Variants in NKD1 observed in about 807,000 individuals in gnomAD.
NKD1 encodes the protein protein naked cuticle homolog 1.
NKD1 carries 21 observed loss-of-function variants against 56.0 expected under a neutral mutation model. The ratio of observed to expected loss-of-function variants is 0.38; its 90% CI spans 0.27 to 0.54. The LOEUF is 0.54. Ranked by LOEUF, NKD1 falls within the 20% of genes least tolerant of loss-of-function variation. NKD1 has a pLI of 0.82. For synonymous variants in NKD1, 263 were observed against 265.7 expected (o/e 0.99, Z 0.10); for missense variants, 578 against 642.7 (o/e 0.90, Z 1.09).
Position 50,632,425 on chromosome 16 carries a change from C to A in NKD1, c.823+17C>A, listed in dbSNP as rs368950805. On this transcript the variant is annotated intron_variant, in intron 9 of 9. Transcript: ENST00000268459. The surrounding 1 kb of genome is among the most constrained non-coding windows in gnomAD (Gnocchi z 4.1). ...TTGGGCCTGGTAAGGGACTCAAGCA[C>A]CCTGCAATGGGCGATGAGGGCAGGG... 1.2e-5 allele frequency: 20 copies of A among 1,613,908 alleles called. No individual in the cohort carries two copies. Among genetic ancestry groups the A allele is most frequent in the Non-Finnish European group, 1.7e-5 (20 of 1,179,918 alleles).
chr16:50,572,088 G>A (rs755537482), intron 3 of NKD1, among the ~76,000 whole-genome samples: 3 of 152,186 alleles, frequency 2.0e-5, no homozygotes, highest in Non-Finnish European at 2.9e-5. Context: ...CCTCCAGGAT[G>A]GAGCTCTCAC....
chr16:50,633,130 G>T lies in NKD1; in HGVS notation c.824-62G>T, dbSNP rs1596762157. On this transcript the variant is annotated intron_variant, in intron 9 of 9. Transcript: ENST00000268459. The surrounding 1 kb of genome is among the most constrained non-coding windows in gnomAD (Gnocchi z 4.9). ...ACTGGGGGCGGGGGTGATGTCTGGGGTATAGCGCAAGCCCCAGCACACAGT... is the reference window on the plus strand; with the variant it reads ...ACTGGGGGCGGGGGTGATGTCTGGGTTATAGCGCAAGCCCCAGCACACAGT... 1.4e-6 allele frequency: 2 copies of T among 1,471,424 alleles called. No homozygotes were observed. 91.1% of individuals were successfully genotyped at this position (1,471,424 alleles called of 1,614,324 possible).
chr16:50,548,613 CCGCCGCCGT>C, intron 1 of NKD1, 35 bp downstream of exon 1: 1 of 1,447,722 alleles, frequency 6.9e-7, no homozygotes, highest in African/African-American at 1.5e-5. Context: ...GCCCCGGGCC[CCGCCGCCGT>C]CGCCGCCGCG....
intron 1 of NKD1, 53 bp from the exon 2 acceptor site, chr16:50,548,664 T>C: frequency 6.8e-7 from 1 of 1,463,314 alleles, no homozygotes; most frequent in Non-Finnish European, 9.0e-7. Flanking sequence ...TTTCTTTCCT[T>C]CTCCCGCCGC....
intron 2 of NKD1, 120 bp from the exon 3 acceptor site, chr16:50,549,302 C>A: frequency 7.7e-7 from 1 of 1,297,968 alleles, no homozygotes; most frequent in Non-Finnish European, 1.0e-6. Context: ...GCCCGCGAAC[C>A]CCCTCCTGGC....
At chr16:50,624,941 A>G (rs1962175605) in intron 5 of NKD1, among the ~76,000 whole-genome samples, 1 of 152,164 alleles carries the variant, frequency 6.6e-6, no homozygotes, top group Non-Finnish European at 1.5e-5. Context: ...CTTCCCAGCA[A>G]CCTCGTGGGA....
rs1399692769 is a variant in NKD1 at position 50,647,165 on chromosome 16, A to G, written c.*13384A>G. On this transcript the variant is annotated 3_prime_UTR_variant, in exon 10 of 10. Transcript: ENST00000268459. ...TGGTGTGGTCTCTGTAGTTGACCCC[A>G]TCATCCTTTCTGTCCATAGGTGATT... is the stretch of plus-strand genomic sequence containing the variant. 1.3e-5 allele frequency: 2 copies of G among 152,350 alleles called. No homozygotes were observed. The highest frequency in any genetic ancestry group is 3.9e-4 in the East Asian group (2 of 5,184). 9.4% of individuals were successfully genotyped at this position (152,350 alleles called of 1,614,324 possible). A position where few individuals can be genotyped will look rare whatever the true frequency, so the allele number is the denominator to read the frequency against.
At chr16:50,577,585 G>A (rs1388527197) in intron 3 of NKD1, among the ~76,000 whole-genome samples, 1 of 152,170 alleles carries the variant, frequency 6.6e-6, no homozygotes, top group Non-Finnish European at 1.5e-5. Context: ...CTATAGGCAC[G>A]ATGCTGTGCA....
At chr16:50,578,912 AAG>A (rs1358008621) in intron 3 of NKD1, among the ~76,000 whole-genome samples, 1 of 152,154 alleles carries the variant, frequency 6.6e-6, no homozygotes, top group Non-Finnish European at 1.5e-5. Context: ...AAAACAAAGA[AAG>A]AAATATTTAA....
chr16:50,618,560 G>A (rs1962014383), intron 4 of NKD1, among the ~76,000 whole-genome samples: 2 of 152,232 alleles, frequency 1.3e-5, no homozygotes, highest in African/African-American at 2.4e-5. Flanking sequence ...GCCTGCCCCT[G>A]GCATTGGGGT....
rs1962563594 is a variant in NKD1, at chr16:50,640,748, C to T, written c.*6967C>T. The T allele has an allele frequency of 1.3e-5, 2 of 152,076 alleles. No individual in the cohort carries two copies. Among genetic ancestry groups the T allele is most frequent in the African/African-American group, 2.4e-5 (1 of 41,380 alleles). 9.4% of individuals were successfully genotyped at this position (152,076 alleles called of 1,614,324 possible). A position where few individuals can be genotyped will look rare whatever the true frequency, so the allele number is the denominator to read the frequency against. On this transcript the variant is annotated 3_prime_UTR_variant, in exon 10 of 10. Coordinates refer to ENST00000268459, the MANE Select transcript of NKD1 (RefSeq NM_033119.5). ...AAAGTCTGGGAAAGCAACACATCAT[C>T]GCCAACTTTTAATTTTGCTAAATAA...
chr16:50,630,372 C>T, intron 7 of NKD1, 39 bp downstream of exon 7: 1 of 1,608,710 alleles, frequency 6.2e-7, no homozygotes, highest in Non-Finnish European at 8.5e-7. Flanking sequence ...ACAATGTCCT[C>T]CCATCTCAGG....
rs375195685 is a variant in NKD1 at position 50,621,646 on chromosome 16, G to A, written c.304G>A (p.Glu102Lys). 5.0e-6 allele frequency: 8 copies of A among 1,613,976 alleles called. No homozygotes were observed. Among genetic ancestry groups the A allele is most frequent in the Non-Finnish European group, 6.8e-6 (8 of 1,179,976 alleles). Reference sequence around the variant, plus strand: ...GACTGACGGGCTGGGCAGCGGAGATGAGAAGAAGATGGAGAGAGTGAGCGA... The same window carrying A: ...GACTGACGGGCTGGGCAGCGGAGATAAGAAGAAGATGGAGAGAGTGAGCGA... ...EKTDGLGSGD[E>K]KKMERVSEPC... The change falls in exon 5 of 10, where the codon GAG becomes AAG. Residue 102 changes from glutamate to lysine, a missense_variant. By Grantham distance (56) the Glu-to-Lys change is moderately conservative. Transcript: ENST00000268459.
intron 3 of NKD1, among the ~76,000 whole-genome samples, chr16:50,555,019 A>G (rs1596701957): frequency 1.3e-5 from 2 of 152,194 alleles, no homozygotes; most frequent in East Asian, 1.9e-4. Flanking sequence ...TGTGGCATCC[A>G]GTCTGATGAA....
intron 3 of NKD1, among the ~76,000 whole-genome samples, chr16:50,584,643 C>T (rs1006653278): frequency 1.3e-5 from 2 of 152,208 alleles, no homozygotes; most frequent in East Asian, 3.8e-4. Flanking sequence ...CAGTGTCTGG[C>T]ACAGAGTAGC....
In NKD1 at chr16:50,630,569, T is replaced by G. The variant is rs1596759553; in HGVS notation, c.610+236T>G. On this transcript the variant is annotated intron_variant, in intron 7 of 9. Transcript: ENST00000268459. ...GCCATGCAGCTGGAGTGAAGGCTGG[T>G]GTTACGGGCAGCATGGCGTCTGCAA... Among the ~76,000 whole-genome samples, 3 of 149,634 alleles carry G rather than the reference T, an allele frequency of 2.0e-5. No homozygotes were observed. In the South Asian group the frequency reaches 6.3e-4, roughly 32 times the overall value.
At position 50,587,049 on chromosome 16, in the gene NKD1, G is replaced by A. The variant is rs558891757; in HGVS notation, c.193-21245G>A. Among the ~76,000 whole-genome samples the A allele has an allele frequency of 3.9e-5, 6 of 152,254 alleles. No individual in the cohort carries two copies. In the East Asian group the frequency reaches 5.8e-4, roughly 15 times the overall value. On this transcript the variant is annotated intron_variant, in intron 3 of 9. Transcript: ENST00000268459. ...TTCACCATTATGCCATCAGCTCCAC[G>A]ACTCGAAAGCTGTGTGGATATAAAG... is the stretch of plus-strand genomic sequence containing the variant.
At chr16:50,583,170 T>C (rs1162817360) in intron 3 of NKD1, among the ~76,000 whole-genome samples, 1 of 152,102 alleles carries the variant, frequency 6.6e-6, no homozygotes, top group African/African-American at 2.4e-5. Flanking sequence ...CCACTTGGAA[T>C]CTAGGTGGCC....
rs1962570524 is a variant in NKD1, at chr16:50,641,072, A to C, written c.*7291A>C. The C allele has an allele frequency of 6.6e-6, 1 of 152,236 alleles. No homozygotes were observed. The highest frequency in any genetic ancestry group is 1.5e-5 in the Non-Finnish European group (1 of 68,086). The allele number at this position is 152,236 out of a possible 1,614,324, so 9.4% of individuals were successfully genotyped here. A position where few individuals can be genotyped will look rare whatever the true frequency, so the allele number is the denominator to read the frequency against. ...AGGTCCTTTTTCCAGTCATGGCCTC[A>C]GCTGTCTGCAAAGGACTTGGGGGAG... On this transcript the variant is annotated 3_prime_UTR_variant, in exon 10 of 10. Transcript: ENST00000268459.
Sources: allele counts gnomAD v4.1 joint callset (sites outside exome capture counted in the v4.1 genomes callset), GRCh38; gene constraint gnomAD v4.1.1; non-coding constraint Gnocchi (gnomAD v3.1); transcripts MANE v1.5; gene names NCBI Gene and HGNC (gene_info 2026-07-23, HGNC 2026-07-21).